The following CER1 variants were observed in gnomAD, a reference collection of about 807,000 sequenced individuals.
CER1 encodes cerberus 1, DAN family BMP antagonist, also known as cerberus.
In CER1, 10 loss-of-function variants were observed where a neutral mutation model predicts 11.8. That is an observed-to-expected ratio of 0.85 (90% CI 0.52 to 1.44). The LOEUF (loss-of-function observed/expected upper bound fraction) is 1.44, where lower values mean the gene tolerates loss of function less well. CER1 is among the 40% of genes most tolerant of loss of function. CER1 has a pLI of 0.00. For missense variants in CER1, 431 were observed against 327.0 expected (o/e 1.32, Z -2.45); for synonymous variants, 141 against 122.3 (o/e 1.15, Z -1.01).
At chr9:14,717,418 A>G (rs560201847), downstream of CER1, among the ~76,000 whole-genome samples, 42 of 152,290 alleles carry the variant, frequency 2.8e-4, no homozygotes, top group Admixed American at 2.7e-3. Context: ...TCTCAAAACA[A>G]ATTTAAAAAA....
In CER1 at chr9:14,722,141, C is replaced by G. The variant is rs1587563480; in HGVS notation, c.507+25G>C. On this transcript the variant is annotated intron_variant, in intron 1 of 1. Transcript: ENST00000380911. ...GTCCACTACCACCTGCAAACTCTTA[C>G]CTGCTCTCCCCCCAGAACACATACC... 7 of 1,596,210 alleles carry G rather than the reference C, an allele frequency of 4.4e-6. No homozygotes were observed. The South Asian group carries it at 6.9e-5, about 16-fold the overall frequency.
intron 1 of CER1, among the ~76,000 whole-genome samples, chr9:14,721,905 G>A (rs1270697847): frequency 6.6e-6 from 1 of 152,150 alleles, no homozygotes; most frequent in Non-Finnish European, 1.5e-5. Flanking sequence ...ACAGAGCTCT[G>A]TGTCTTCAGT....
downstream of CER1, chr9:14,719,623 C>CTTCT (rs1343839760): frequency 3.5e-5 from 5 of 143,908 alleles, no homozygotes; most frequent in South Asian, 2.2e-4. Flanking sequence ...TCCTTCTTTC[C>CTTCT]TTCCTTCCTT....
chr9:14,721,156 T>G (rs748399953), intron 1 of CER1, among the ~76,000 whole-genome samples: 1 of 152,232 alleles, frequency 6.6e-6, no homozygotes, highest in Non-Finnish European at 1.5e-5. Context: ...ATCCTTGCCT[T>G]TTCAGGCAGA....
intron 1 of CER1, among the ~76,000 whole-genome samples, 160 bp from the exon 2 acceptor site, chr9:14,720,546 G>A (rs745431044): frequency 3.3e-5 from 5 of 152,120 alleles, no homozygotes; most frequent in Non-Finnish European, 7.3e-5. Flanking sequence ...ATCTATAAGG[G>A]CACAGAACCA....
chr9:14,719,560 TG>T (rs763105329), downstream of CER1, among the ~76,000 whole-genome samples: 8,437 of 46,498 alleles, frequency 0.18, 346 homozygotes, highest in Non-Finnish European at 0.22. Context: ...CCTGCCTGCC[TG>T]CCTTCCTTCC....
downstream of CER1, among the ~76,000 whole-genome samples, chr9:14,717,334 T>C (rs2131787194): frequency 6.6e-6 from 1 of 152,212 alleles, no homozygotes; most frequent in Admixed American, 6.5e-5. Flanking sequence ...GATGACAAAA[T>C]AGTAACTATT....
At chr9:14,718,257 AAGG>A (rs776876632), downstream of CER1, among the ~76,000 whole-genome samples, 3 of 152,220 alleles carry the variant, frequency 2.0e-5, no homozygotes, top group Non-Finnish European at 2.9e-5. Flanking sequence ...ACAAGCATGT[AAGG>A]AGGAGAAGGA....
Position 14,722,244 on chromosome 9 carries a change from C to A in CER1, c.429G>T (p.Pro143=). The A allele has an allele frequency of 1.1e-5, 18 of 1,614,180 alleles. No individual in the cohort carries two copies. The highest frequency in any genetic ancestry group is 1.5e-5 in the Non-Finnish European group (18 of 1,180,024). ...FWHHFMFRKT[P]ASQGVILPIK... ...TGGGCAAGATGACCCCCTGAGAAGC[C>A]GGAGTTTTTCTGAACATGAAGTGGT... is the stretch of plus-strand genomic sequence containing the variant. Residue 143 remains proline, a synonymous_variant, in exon 1 of 2, where the codon CCG becomes CCT. Transcript: ENST00000380911.
rs1353946992 is a variant in CER1, at chr9:14,722,615, G to T, written c.58C>A (p.His20Asn). 1.2e-5 allele frequency: 19 copies of T among 1,608,748 alleles called. No individual in the cohort carries two copies. The highest frequency in any genetic ancestry group is 1.4e-5 in the Non-Finnish European group (17 of 1,179,948). Residue 20 changes from histidine (H) to asparagine (N), a missense_variant, in exon 1 of 2, where the codon CAC (histidine) becomes AAC (asparagine). Coordinates refer to ENST00000380911, the MANE Select transcript of CER1 (RefSeq NM_005454.3). ...CTCTGATTCTGGCGGCCATCCTGGT[G>T]CCGTGTGGTCTTTCCTAGAGGCAGG... ...VLLPLGKTTR[H>N]QDGRQNQSSL...
downstream of CER1, among the ~76,000 whole-genome samples, chr9:14,718,447 G>C (rs1839964080): frequency 6.6e-6 from 1 of 152,080 alleles, no homozygotes. Flanking sequence ...ACCACCAAAG[G>C]GTATGATAAT....
At chr9:14,720,883 G>A (rs1182021315) in intron 1 of CER1, among the ~76,000 whole-genome samples, 1 of 152,172 alleles carries the variant, frequency 6.6e-6, no homozygotes, top group Non-Finnish European at 1.5e-5. Flanking sequence ...GAAGTTGTAT[G>A]CAAGCAGAGT....
Position 14,722,306 on chromosome 9 carries a change from T to A in CER1, c.367A>T (p.Lys123Ter), listed in dbSNP as rs775728802. 1 of 1,614,114 alleles carries A rather than the reference T, an allele frequency of 6.2e-7. No individual in the cohort carries two copies. ...TTGGCTTCTTCCCGAAGAGGAGATT[T>A]CTCCATTTTCATTCCATCTATCGGC... is the stretch of plus-strand genomic sequence containing the variant. Reference protein sequence around the residue: ...IQPIDGMKMEKSPLREEAKKF... With the variant: ...IQPIDGMKME Residue 123 changes from lysine (K) to a stop codon, truncating the protein, a stop_gained, in exon 1 of 2, where the codon AAA (lysine) becomes TAA (stop). Coordinates refer to ENST00000380911, the MANE Select transcript of CER1 (RefSeq NM_005454.3). LOFTEE classifies it high-confidence loss of function.
downstream of CER1, among the ~76,000 whole-genome samples, chr9:14,719,513 C>G (rs1390395355): frequency 2.0e-5 from 3 of 151,018 alleles, no homozygotes; most frequent in African/African-American, 4.9e-5. Flanking sequence ...TAGCCTGCCT[C>G]CCTGCCTGCC....
intron 1 of CER1, among the ~76,000 whole-genome samples, chr9:14,720,688 C>A (rs564752973): frequency 6.6e-6 from 1 of 152,098 alleles, no homozygotes; most frequent in African/African-American, 2.4e-5. Flanking sequence ...TGGATGTGAG[C>A]GATTGAAAAA....
Position 14,720,379 on chromosome 9 carries a change from G to T in CER1, c.515C>A (p.Thr172Asn). 6.2e-7 allele frequency: 1 copy of T among 1,608,000 alleles called. No homozygotes were observed. The highest frequency in any genetic ancestry group is 1.9e-4 in the Middle Eastern group (1 of 5,258). The change falls in exon 2 of 2, where the codon ACC (threonine) becomes AAC (asparagine). Residue 172 changes from threonine (T) to asparagine (N), a missense_variant. Physicochemically the swap from Thr to Asn is moderately conservative, Grantham distance 65. Coordinates refer to ENST00000380911, the MANE Select transcript of CER1 (RefSeq NM_005454.3). ...CRTVPFSQTI[T>N]HEGCEKVVVQ... is the part of the protein sequence containing the mutation. ...AACTACTTTTTCACAGCCTTCGTGG[G>T]TTATAGTCTAAAAAGCAAACACATT...
chr9:14,721,426 A>G (rs1840010850), intron 1 of CER1, among the ~76,000 whole-genome samples: 1 of 152,218 alleles, frequency 6.6e-6, no homozygotes, highest in South Asian at 2.1e-4. Context: ...ACACAACATG[A>G]ATCAGGAGAA....
At chr9:14,720,409 T>C (rs1272299571) in intron 1 of CER1, 23 bp from the exon 2 acceptor site, 2 of 1,586,204 alleles carry the variant, frequency 1.3e-6, no homozygotes, top group African/African-American at 1.3e-5. Flanking sequence ...CACATTTCCA[T>C]TACGTTATTT....
chr9:14,722,148 TCC>T lies in CER1; in HGVS notation c.507+16_507+17del. 1 of 1,601,350 alleles carries T rather than the reference TCC, an allele frequency of 6.2e-7. No homozygotes were observed. The highest frequency in any genetic ancestry group is 8.5e-7 in the Non-Finnish European group (1 of 1,173,304). ...ACCACCTGCAAACTCTTACCTGCTC[TCC>T]CCCCAGAACACATACCTGGCTGAAG... On this transcript the variant is annotated intron_variant, in intron 1 of 1. Coordinates refer to ENST00000380911, the MANE Select transcript of CER1 (RefSeq NM_005454.3).
Sources: allele counts gnomAD v4.1 joint callset (sites outside exome capture counted in the v4.1 genomes callset), GRCh38; gene constraint gnomAD v4.1.1; transcripts MANE v1.5; gene names NCBI Gene and HGNC (gene_info 2026-07-23, HGNC 2026-07-21).